Variants in RAD51B observed in about 807,000 individuals in gnomAD.
RAD51B encodes the protein RAD51 paralog B.
A neutral mutation model predicts 42.2 loss-of-function variants in RAD51B; 38 were observed. The ratio of observed to expected loss-of-function variants is 0.90; its 90% CI spans 0.70 to 1.18. The LOEUF is 1.18. Ranked by LOEUF, RAD51B falls within the 50% of genes most tolerant of loss-of-function variation. The probability of loss-of-function intolerance (pLI) is 0.00; values close to 1 mark genes in which losing one functional copy is unlikely to be tolerated. For missense variants in RAD51B, 373 were observed against 400.7 expected (o/e 0.93, Z 0.59); for synonymous variants, 154 against 145.2 (o/e 1.06, Z -0.43).
chr14:68,502,952 C>T (rs1438946633), intron 10 of RAD51B, among the ~76,000 whole-genome samples: 1 of 152,184 alleles, frequency 6.6e-6, no homozygotes, highest in East Asian at 1.9e-4. Flanking sequence ...TGGGCCCCTG[C>T]GAGGGCATCT....
Position 68,467,410 on chromosome 14 carries a change from T to C in RAD51B, c.958-762T>C, listed in dbSNP as rs910272305. 3.3e-5 allele frequency among the ~76,000 whole-genome samples: 5 copies of C among 152,230 alleles called. No homozygotes were observed. The East Asian group carries it at 9.6e-4, about 29-fold the overall frequency. On this transcript the variant is annotated intron_variant, in intron 9 of 10. Coordinates refer to ENST00000471583, the MANE Select transcript of RAD51B (RefSeq NM_133510.4). ...GATATTTAACTTGTGTATCTGTGGG[T>C]CTCTAGGGGTCAACTCTTTAGCCTG... is the stretch of plus-strand genomic sequence containing the variant.
At chr14:67,842,657 ACCGTGCCCAG>A (rs1482475352) in intron 4 of RAD51B, among the ~76,000 whole-genome samples, 4 of 152,210 alleles carry the variant, frequency 2.6e-5, no homozygotes, top group Non-Finnish European at 5.9e-5. Flanking sequence ...GGCATGTGCC[ACCGTGCCCAG>A]CCTTATTTCT....
intron 10 of RAD51B, among the ~76,000 whole-genome samples, chr14:68,573,976 G>A (rs947880202): frequency 7.4e-5 from 4 of 54,374 alleles, no homozygotes; most frequent in Non-Finnish European, 1.1e-4. Flanking sequence ...GTGTCAGTGT[G>A]TGTATGTGTG....
chr14:67,969,180 A>C (rs2074846657), intron 7 of RAD51B, among the ~76,000 whole-genome samples: 1 of 152,202 alleles, frequency 6.6e-6, no homozygotes. Flanking sequence ...ATGGGAGTAC[A>C]ATTCAAGATG....
intron 7 of RAD51B, among the ~76,000 whole-genome samples, chr14:67,936,288 A>G (rs1171672409): frequency 1.3e-5 from 2 of 152,078 alleles, no homozygotes; most frequent in Admixed American, 1.3e-4. Flanking sequence ...GGAAATCTCT[A>G]TTTGCTATCT....
At chr14:68,372,631 C>T (rs983825977) in intron 8 of RAD51B, among the ~76,000 whole-genome samples, 3 of 152,106 alleles carry the variant, frequency 2.0e-5, no homozygotes, top group African/African-American at 4.8e-5. Context: ...AAAAGAGGGT[C>T]ATTAAAAACT....
At chr14:68,662,261 C>T (rs1892948526) in intron 11 of RAD51B, among the ~76,000 whole-genome samples, 2 of 152,272 alleles carry the variant, frequency 1.3e-5, no homozygotes, top group African/African-American at 2.4e-5. Context: ...GTCTTTCACA[C>T]CTGCCCCATC....
chr14:68,207,887 C>T (rs1205082342), intron 7 of RAD51B, among the ~76,000 whole-genome samples: 2 of 151,878 alleles, frequency 1.3e-5, no homozygotes, highest in Admixed American at 6.6e-5. Flanking sequence ...AACAAGTCAG[C>T]TCACGTTAAT....
chr14:68,247,762 A>G (rs1271516604), intron 7 of RAD51B, among the ~76,000 whole-genome samples: 1 of 152,174 alleles, frequency 6.6e-6, no homozygotes, highest in Non-Finnish European at 1.5e-5. Context: ...CCTATTTAAT[A>G]CTTCTTTTAA....
intron 7 of RAD51B, among the ~76,000 whole-genome samples, chr14:68,251,680 C>T (rs1325212250): frequency 1.3e-5 from 2 of 152,190 alleles, no homozygotes; most frequent in South Asian, 2.1e-4. Flanking sequence ...TCGGCTGGGT[C>T]CAACATCTTT....
At chr14:67,853,839 T>C (rs1278170096) in intron 4 of RAD51B, among the ~76,000 whole-genome samples, 1 of 152,206 alleles carries the variant, frequency 6.6e-6, no homozygotes, top group African/African-American at 2.4e-5. Context: ...ACTGAATCTG[T>C]GTATGCTTAC....
chr14:68,310,418 A>G (rs545802120), intron 8 of RAD51B, among the ~76,000 whole-genome samples: 1 of 152,298 alleles, frequency 6.6e-6, no homozygotes, highest in African/African-American at 2.4e-5. Flanking sequence ...TTACAAAACC[A>G]TGAAGCCTGT....
chr14:68,564,094 G>A (rs911516709), intron 10 of RAD51B, among the ~76,000 whole-genome samples: 5 of 152,166 alleles, frequency 3.3e-5, no homozygotes, highest in Admixed American at 6.5e-5. Context: ...TGCTCTGCCC[G>A]GTGTTTGGGG....
At chr14:68,344,886 G>T (rs935162999) in intron 8 of RAD51B, among the ~76,000 whole-genome samples, 1 of 146,102 alleles carries the variant, frequency 6.8e-6, no homozygotes, top group African/African-American at 2.5e-5. Flanking sequence ...GGCGGAGCTT[G>T]CAGTGAGCCG....
intron 10 of RAD51B, among the ~76,000 whole-genome samples, chr14:68,571,799 T>A (rs1889716545): frequency 6.7e-5 from 1 of 14,820 alleles, no homozygotes; most frequent in South Asian, 5.2e-3. Flanking sequence ...TGGATGGCTG[T>A]TTTTTGTTTG....
chr14:68,061,053 CTTTT>C (rs755916680), intron 7 of RAD51B, among the ~76,000 whole-genome samples: 88 of 101,280 alleles, frequency 8.7e-4, no homozygotes, highest in Non-Finnish European at 1.4e-3. Context: ...TATTTGAGGT[CTTTT>C]TTTTTTTTTT....
At chr14:67,923,987 G>A (rs980618541) in intron 7 of RAD51B, among the ~76,000 whole-genome samples, 2 of 152,128 alleles carry the variant, frequency 1.3e-5, no homozygotes, top group Non-Finnish European at 2.9e-5. Context: ...GTGATGTTGA[G>A]CATTTTTTCA....
intron 10 of RAD51B, among the ~76,000 whole-genome samples, chr14:68,471,285 C>T (rs1594885986): frequency 6.6e-6 from 1 of 152,274 alleles, no homozygotes; most frequent in East Asian, 1.9e-4. Context: ...CCAACCACAC[C>T]AGCTACCCGT....
intron 10 of RAD51B, among the ~76,000 whole-genome samples, chr14:68,553,520 G>T (rs909247405): frequency 2.0e-5 from 3 of 152,136 alleles, no homozygotes; most frequent in Non-Finnish European, 4.4e-5. Context: ...GCGAGGTGGG[G>T]CTGGGGACTT....
Sources: allele counts gnomAD v4.1 joint callset (sites outside exome capture counted in the v4.1 genomes callset), GRCh38; gene constraint gnomAD v4.1.1; transcripts MANE v1.5; gene names NCBI Gene and HGNC (gene_info 2026-07-23, HGNC 2026-07-21).